ME3: variants seen among roughly 807,000 people sequenced by gnomAD.
ME3 encodes malic enzyme 3.
ME3 carries 48 observed loss-of-function variants against 68.9 expected under a neutral mutation model. That is an observed-to-expected ratio of 0.70 (90% CI 0.55 to 0.89). The LOEUF (loss-of-function observed/expected upper bound fraction) is 0.89, where lower values mean the gene tolerates loss of function less well. Among genes scored for constraint, ME3 ranks in the 40% least tolerant of loss-of-function variants. ME3 has a pLI of 0.00. For synonymous variants in ME3, 320 were observed against 318.8 expected (o/e 1.00, Z -0.04); for missense variants, 675 against 797.4 (o/e 0.85, Z 1.85).
chr11:86,635,899 G>C (rs1364676652), intron 2 of ME3, among the ~76,000 whole-genome samples: 1 of 152,208 alleles, frequency 6.6e-6, no homozygotes, highest in Non-Finnish European at 1.5e-5. Context: ...AGCACAGTCT[G>C]GTCAAATGGC....
chr11:86,529,151 G>A (rs527570899), intron 4 of ME3, among the ~76,000 whole-genome samples: 14 of 152,010 alleles, frequency 9.2e-5, no homozygotes, highest in African/African-American at 2.2e-4. Flanking sequence ...TCAAATAGAC[G>A]CAATAAAAAA....
At chr11:86,527,684 A>G (rs1348834481) in intron 4 of ME3, among the ~76,000 whole-genome samples, 1 of 152,248 alleles carries the variant, frequency 6.6e-6, no homozygotes, top group Non-Finnish European at 1.5e-5. Flanking sequence ...AAGCCAGAAG[A>G]GAGTGGGGGC....
chr11:86,635,269 A>G (rs183810388), intron 2 of ME3, among the ~76,000 whole-genome samples: 5 of 152,356 alleles, frequency 3.3e-5, no homozygotes, highest in African/African-American at 1.2e-4. Flanking sequence ...AGGGAGGGAC[A>G]TCAAAGCTTT....
chr11:86,603,452 A>C (rs913764711), intron 2 of ME3, among the ~76,000 whole-genome samples: 2 of 152,132 alleles, frequency 1.3e-5, no homozygotes, highest in Admixed American at 6.6e-5. Flanking sequence ...GGAAACAACA[A>C]GTGCTGGAGA....
In ME3 at chr11:86,448,339, G is replaced by A. The variant is rs7941576; in HGVS notation, c.1132-84C>T. On this transcript the variant is annotated intron_variant, in intron 10 of 14. Transcript: ENST00000543262. ...AGATGCATTTGGAAACTCTGAGAGC[G>A]TTTCCTGCTGAGCCCCATGCTTTGG... 8.3e-3 allele frequency: 8,257 copies of A among 992,496 alleles called. 420 individuals carry two copies. The African/African-American group carries it at 0.11, about 13-fold the overall frequency. The allele number at this position is 992,496 out of a possible 1,614,324, so 61.5% of individuals were successfully genotyped here.
chr11:86,603,887 T>A (rs549068441), intron 2 of ME3, among the ~76,000 whole-genome samples: 4 of 134,834 alleles, frequency 3.0e-5, no homozygotes, highest in African/African-American at 1.1e-4. Flanking sequence ...TAGATGGGAA[T>A]TGAACAATGA....
intron 5 of ME3, among the ~76,000 whole-genome samples, chr11:86,498,642 A>G (rs767533954): frequency 1.3e-5 from 2 of 152,168 alleles, no homozygotes; most frequent in Non-Finnish European, 2.9e-5. Flanking sequence ...TAGGATCACT[A>G]TTGCATATGA....
intron 2 of ME3, among the ~76,000 whole-genome samples, chr11:86,564,231 G>A (rs182918846): frequency 6.6e-6 from 1 of 152,078 alleles, no homozygotes; most frequent in East Asian, 1.9e-4. Context: ...CTTTGGTAAA[G>A]TATCAGTTCA....
intron 2 of ME3, among the ~76,000 whole-genome samples, chr11:86,568,466 CTT>C (rs1957606421): frequency 6.6e-6 from 1 of 152,234 alleles, no homozygotes; most frequent in South Asian, 2.1e-4. Flanking sequence ...TCACTCCTGA[CTT>C]TACCTATTTC....
At chr11:86,670,781 G>T (rs538598334) in intron 2 of ME3, among the ~76,000 whole-genome samples, 2 of 152,126 alleles carry the variant, frequency 1.3e-5, no homozygotes, top group African/African-American at 4.8e-5. Flanking sequence ...TTATTTTGCA[G>T]TAATTGTTAT....
intron 2 of ME3, among the ~76,000 whole-genome samples, chr11:86,597,829 C>A (rs1959786819): frequency 6.6e-6 from 1 of 152,010 alleles, no homozygotes; most frequent in Admixed American, 6.5e-5. Context: ...ATACATCAAT[C>A]AAATACATTT....
chr11:86,475,912 G>GAA (rs1382671295), intron 7 of ME3, among the ~76,000 whole-genome samples: 1,936 of 148,278 alleles, frequency 0.013, 12 homozygotes, highest in Non-Finnish European at 0.016. Context: ...AAGAGAAAGA[G>GAA]AGAGAGAGAG....
At chr11:86,451,184 T>C (rs117273844) in intron 8 of ME3, among the ~76,000 whole-genome samples, 12 of 152,316 alleles carry the variant, frequency 7.9e-5, no homozygotes, top group Non-Finnish European at 1.5e-4. Flanking sequence ...AGGGGATGGT[T>C]AGCACTACAT....
chr11:86,478,495 G>C (rs2138855222), intron 7 of ME3, among the ~76,000 whole-genome samples: 1 of 152,242 alleles, frequency 6.6e-6, no homozygotes, highest in South Asian at 2.1e-4. Flanking sequence ...ATTTCCCTAG[G>C]GAAGGCAGAA....
At chr11:86,449,991 G>C (rs762535080) in exon 10 of ME3, 5 of 1,611,806 alleles carry the variant, frequency 3.1e-6, no homozygotes, top group Non-Finnish European at 3.4e-6. Context: ...GGTGGGCAAT[G>C]CCCATAGCTG....
intron 2 of ME3, among the ~76,000 whole-genome samples, chr11:86,569,135 G>A (rs769359902): frequency 2.5e-4 from 38 of 152,308 alleles, no homozygotes; most frequent in Non-Finnish European, 5.0e-4. Context: ...TGTTCACGGG[G>A]CAGGGTGACA....
intron 4 of ME3, among the ~76,000 whole-genome samples, chr11:86,544,855 A>G (rs145566551): frequency 3.9e-4 from 60 of 152,282 alleles, no homozygotes; most frequent in African/African-American, 1.3e-3. Context: ...GACACAACAC[A>G]AAAAGAATTT....
At chr11:86,630,010 C>T (rs1436636064) in intron 2 of ME3, among the ~76,000 whole-genome samples, 1 of 152,120 alleles carries the variant, frequency 6.6e-6, no homozygotes. Context: ...TTTCAGAACT[C>T]TAGACCTGGA....
intron 8 of ME3, among the ~76,000 whole-genome samples, chr11:86,458,692 G>C (rs1320313763): frequency 1.3e-5 from 2 of 152,144 alleles, no homozygotes; most frequent in Non-Finnish European, 1.5e-5. Context: ...ATGGCAGGGG[G>C]AGAGATCAAG....
Sources: allele counts gnomAD v4.1 joint callset (sites outside exome capture counted in the v4.1 genomes callset), GRCh38; gene constraint gnomAD v4.1.1; transcripts MANE v1.5; gene names NCBI Gene and HGNC (gene_info 2026-07-23, HGNC 2026-07-21).